The following PRKCA variants were observed in gnomAD, a reference collection of about 807,000 sequenced individuals.
PRKCA encodes protein kinase C alpha.
A neutral mutation model predicts 87.0 loss-of-function variants in PRKCA; 27 were observed. That is an observed-to-expected ratio of 0.31 (90% CI 0.23 to 0.43). The LOEUF is 0.43. Among genes scored for constraint, PRKCA ranks in the 20% least tolerant of loss-of-function variants. The pLI, the probability that PRKCA is intolerant of heterozygous loss-of-function variation, is 1.00. For synonymous variants in PRKCA, 329 were observed against 311.1 expected, an observed-to-expected ratio of 1.06 and a Z score of -0.61; for missense variants, 518 against 852.3, an observed-to-expected ratio of 0.61 and a Z score of 4.88.
chr17:66,706,453 G>A lies in PRKCA; in HGVS notation c.918+17406G>A, dbSNP rs375823000. Among the ~76,000 whole-genome samples the A allele has an allele frequency of 8.2e-3, 1,219 of 149,498 alleles. 11 individuals carry two copies. Among genetic ancestry groups the A allele is most frequent in the African/African-American group, 0.029 (1,162 of 40,364 alleles). ...GATCGAGACCATCCTGGCTAACACGGTGAAACCCCGTCTCTACTAAAAATA... is the reference window on the plus strand; with the variant it reads ...GATCGAGACCATCCTGGCTAACACGATGAAACCCCGTCTCTACTAAAAATA... On this transcript the variant is annotated intron_variant, in intron 8 of 16. Coordinates refer to ENST00000413366, the MANE Select transcript of PRKCA (RefSeq NM_002737.3).
intron 3 of PRKCA, among the ~76,000 whole-genome samples, chr17:66,593,490 A>C (rs1240802339): frequency 1.3e-5 from 2 of 152,208 alleles, no homozygotes; most frequent in Non-Finnish European, 2.9e-5. Context: ...GCAGTTGCAT[A>C]TAACTGCAAG....
chr17:66,545,195 A>G (rs368825532), intron 3 of PRKCA, among the ~76,000 whole-genome samples: 113 of 152,198 alleles, frequency 7.4e-4, no homozygotes, highest in Admixed American at 1.4e-3. Flanking sequence ...TTGGGAGGCC[A>G]AGGCGGGCAG....
intron 2 of PRKCA, among the ~76,000 whole-genome samples, chr17:66,321,576 CTCTGTCGTCT>C (rs1266501846): frequency 3.3e-5 from 5 of 152,160 alleles, no homozygotes; most frequent in African/African-American, 1.2e-4. Flanking sequence ...GACAGCCTTG[CTCTGTCGTCT>C]ATGCTGGAGT....
rs767580247 is a variant in PRKCA, at chr17:66,306,147, T to C, written c.205+20T>C. ...GCCAAGGTAAGCTACCACTTTTGGT[T>C]TTATTTTCAAGCACAACATGAAATA... On this transcript the variant is annotated intron_variant, in intron 2 of 16. Transcript: ENST00000413366. The C allele has an allele frequency of 6.2e-7, 1 of 1,608,914 alleles. No individual in the cohort carries two copies. Among genetic ancestry groups the C allele is most frequent in the Non-Finnish European group, 8.5e-7 (1 of 1,177,154 alleles).
At chr17:66,424,070 G>C (rs1912646181) in intron 2 of PRKCA, among the ~76,000 whole-genome samples, 2 of 152,160 alleles carry the variant, frequency 1.3e-5, no homozygotes, top group African/African-American at 2.4e-5. Flanking sequence ...GGCTCTGGAG[G>C]AGGACCATTC....
chr17:66,462,730 C>T (rs1217614287), intron 2 of PRKCA, among the ~76,000 whole-genome samples: 2 of 152,168 alleles, frequency 1.3e-5, no homozygotes, highest in Non-Finnish European at 2.9e-5. Context: ...ACCCCTACCT[C>T]CCACCTATGG....
intron 2 of PRKCA, among the ~76,000 whole-genome samples, chr17:66,410,574 TTTTG>T (rs762763017): frequency 7.2e-5 from 11 of 152,058 alleles, no homozygotes; most frequent in East Asian, 1.9e-4. Flanking sequence ...TAGTTGAACT[TTTTG>T]TTTGTTTGTT....
At chr17:66,506,276 A>T (rs1598727966) in intron 3 of PRKCA, among the ~76,000 whole-genome samples, 1 of 151,446 alleles carries the variant, frequency 6.6e-6, no homozygotes, top group Admixed American at 6.6e-5. Flanking sequence ...AGTCTGGGCG[A>T]CACGGTGAGA....
At chr17:66,488,216 A>G (rs1217285647) in intron 2 of PRKCA, among the ~76,000 whole-genome samples, 1 of 152,202 alleles carries the variant, frequency 6.6e-6, no homozygotes, top group African/African-American at 2.4e-5. Context: ...TGTGGAAAGT[A>G]CAGAAAACTC....
chr17:66,705,905 T>C lies in PRKCA; in HGVS notation c.918+16858T>C, dbSNP rs1400561461. ...GTGACACCAAACATAATGCTATTTGTTGTTTTCCCCAAAAAACATGCCCTA... is the reference window on the plus strand; with the variant it reads ...GTGACACCAAACATAATGCTATTTGCTGTTTTCCCCAAAAAACATGCCCTA... On this transcript the variant is annotated intron_variant, in intron 8 of 16. Transcript: ENST00000413366. Among the ~76,000 whole-genome samples, 5 of 152,220 alleles carry C rather than the reference T, an allele frequency of 3.3e-5. No individual in the cohort carries two copies. In the East Asian group the frequency reaches 9.6e-4, roughly 29 times the overall value.
At chr17:66,765,704 G>A (rs1395839233) in intron 13 of PRKCA, among the ~76,000 whole-genome samples, 1 of 151,590 alleles carries the variant, frequency 6.6e-6, no homozygotes, top group Non-Finnish European at 1.5e-5. Flanking sequence ...CCACTGTATT[G>A]GATAGTGGCT....
intron 14 of PRKCA, chr17:66,775,234 C>T: frequency 2.0e-6 from 2 of 984,580 alleles, no homozygotes; most frequent in Non-Finnish European, 2.4e-6. Flanking sequence ...GGCACTGACC[C>T]ACAGGTTCAT....
At chr17:66,605,969 T>A (rs977575580) in intron 3 of PRKCA, among the ~76,000 whole-genome samples, 3 of 152,218 alleles carry the variant, frequency 2.0e-5, no homozygotes, top group Admixed American at 1.3e-4. Context: ...CTAATGACTT[T>A]GAGGTTCCTT....
chr17:66,422,036 C>G (rs1037109155), intron 2 of PRKCA, among the ~76,000 whole-genome samples: 2 of 151,982 alleles, frequency 1.3e-5, no homozygotes, highest in African/African-American at 2.4e-5. Context: ...CTTGCCTCGT[C>G]GATGCCATCT....
At chr17:66,373,393 C>T (rs1909227853) in intron 2 of PRKCA, among the ~76,000 whole-genome samples, 1 of 152,086 alleles carries the variant, frequency 6.6e-6, no homozygotes, top group African/African-American at 2.4e-5. Flanking sequence ...TGTCCAAGGT[C>T]GTACAGCCTG....
intron 3 of PRKCA, among the ~76,000 whole-genome samples, chr17:66,568,515 C>T (rs963458202): frequency 3.3e-5 from 5 of 151,962 alleles, no homozygotes; most frequent in East Asian, 1.9e-4. Context: ...GGAAGGCTGG[C>T]GCTGCAGAAA....
At chr17:66,724,282 C>T (rs764066947) in intron 8 of PRKCA, among the ~76,000 whole-genome samples, 8 of 143,822 alleles carry the variant, frequency 5.6e-5, no homozygotes, top group Non-Finnish European at 1.1e-4. Context: ...GGCGACAGAG[C>T]GAGACTCCAT....
intron 16 of PRKCA, among the ~76,000 whole-genome samples, chr17:66,791,953 A>C (rs754265966): frequency 9.2e-5 from 14 of 152,218 alleles, no homozygotes; most frequent in Non-Finnish European, 1.9e-4. Flanking sequence ...GCATTCTCTA[A>C]CGGGTCATTT....
At chr17:66,688,501 G>T (rs921265917) in intron 7 of PRKCA, 65 bp downstream of exon 7, 2 of 1,595,738 alleles carry the variant, frequency 1.3e-6, no homozygotes, top group East Asian at 4.5e-5. Context: ...TTAGGTTTCA[G>T]TCTCTCAAAT....
Sources: gnomAD v4.1 joint callset for allele counts (sites outside exome capture counted in the v4.1 genomes callset) on GRCh38, gnomAD v4.1.1 for gene constraint, MANE v1.5 for transcripts, NCBI Gene and HGNC (gene_info 2026-07-23, HGNC 2026-07-21) for gene names.